The following OPA1 variants were observed in gnomAD, a reference collection of about 807,000 sequenced individuals.
The protein encoded by OPA1 is OPA1 mitochondrial dynamin like GTPase, also known as dynamin-like GTPase OPA1, mitochondrial.
OPA1 carries 59 observed loss-of-function variants against 152.9 expected under a neutral mutation model. That is an observed-to-expected ratio of 0.39 (90% CI 0.31 to 0.48). The LOEUF is 0.48. Among genes scored for constraint, OPA1 ranks in the 20% least tolerant of loss-of-function variants. The pLI is 0.96. For synonymous variants in OPA1, 400 were observed against 389.9 expected, an observed-to-expected ratio of 1.03 and a Z score of -0.31; for missense variants, 1,008 against 1,216.8, an observed-to-expected ratio of 0.83 and a Z score of 2.55.
chr3:193,685,788 A>G (rs1490594967), intron 29 of OPA1, among the ~76,000 whole-genome samples: 1 of 152,244 alleles, frequency 6.6e-6, no homozygotes, highest in African/African-American at 2.4e-5. Flanking sequence ...AATTTAAAAG[A>G]TGAAGTATAT....
At chr3:193,607,055 T>G (rs1444974766) in intron 1 of OPA1, among the ~76,000 whole-genome samples, 1 of 152,256 alleles carries the variant, frequency 6.6e-6, no homozygotes, top group Admixed American at 6.5e-5. Context: ...TTTGGCTGCA[T>G]AAATGTCTTC....
intron 5 of OPA1, 29 bp from the exon 6 acceptor site, chr3:193,618,840 A>G (rs777475151): frequency 6.4e-7 from 1 of 1,573,798 alleles, no homozygotes; most frequent in East Asian, 2.2e-5. Flanking sequence ...TCACTGGAGA[A>G]TGTAAAGGGT....
In OPA1 at chr3:193,601,947, A is replaced by G. The variant is rs551133861; in HGVS notation, c.32+8538A>G. On this transcript the variant is annotated intron_variant, in intron 1 of 30. Coordinates refer to ENST00000361510, the MANE Select transcript of OPA1 (RefSeq NM_130837.3). ...TTTTTTGGCATTAGCCCACAAACCC[A>G]ACAGTTACCCTGGTTTTGTGCTAGA... is the stretch of plus-strand genomic sequence containing the variant. Among the ~76,000 whole-genome samples the G allele has an allele frequency of 2.0e-4, 31 of 152,332 alleles. No homozygotes were observed. The South Asian group carries it at 6.2e-3, about 31-fold the overall frequency.
intron 29 of OPA1, among the ~76,000 whole-genome samples, chr3:193,677,878 T>C (rs903419057): frequency 6.6e-6 from 1 of 152,230 alleles, no homozygotes; most frequent in African/African-American, 2.4e-5. Flanking sequence ...CTGAGGGACA[T>C]TTCATGGGAC....
chr3:193,593,301 C>G lies in OPA1; in HGVS notation c.-77C>G. 2 of 1,463,602 alleles carry G rather than the reference C, an allele frequency of 1.4e-6. No homozygotes were observed. The highest frequency in any genetic ancestry group is 1.4e-5 in the African/African-American group (1 of 70,340). 90.7% of individuals were successfully genotyped at this position (1,463,602 alleles called of 1,614,324 possible). A position where few individuals can be genotyped will look rare whatever the true frequency, so the allele number is the denominator to read the frequency against. ...GGCCACTTCCTGGGTCATTCCTGGACCGGGAGCCGGGCTGGGGCTCACACG... is the reference window on the plus strand; with the variant it reads ...GGCCACTTCCTGGGTCATTCCTGGAGCGGGAGCCGGGCTGGGGCTCACACG... On this transcript the variant is annotated 5_prime_UTR_variant, in exon 1 of 31. Coordinates refer to ENST00000361510, the MANE Select transcript of OPA1 (RefSeq NM_130837.3).
chr3:193,647,962 C>T (rs989197846), intron 19 of OPA1, 108 bp from the exon 20 acceptor site: 2 of 778,186 alleles, frequency 2.6e-6, no homozygotes, highest in South Asian at 1.4e-5. Flanking sequence ...GTCATAGGCG[C>T]ACTCTCAGAA....
At chr3:193,610,643 A>G (rs1434434730) in intron 1 of OPA1, among the ~76,000 whole-genome samples, 2 of 152,194 alleles carry the variant, frequency 1.3e-5, no homozygotes, top group Non-Finnish European at 2.9e-5. Context: ...GGTGGAGTCT[A>G]CAGAGGAAGG....
At chr3:193,675,336 A>AAC (rs1718748569) in intron 29 of OPA1, among the ~76,000 whole-genome samples, 3 of 121,548 alleles carry the variant, frequency 2.5e-5, no homozygotes, top group South Asian at 2.7e-4. Flanking sequence ...AGAAAAAAAA[A>AAC]AAAAAAAAAA....
intron 2 of OPA1, 26 bp from the exon 3 acceptor site, chr3:193,615,648 G>A (rs1483729213): frequency 7.8e-7 from 1 of 1,290,026 alleles, no homozygotes; most frequent in African/African-American, 1.5e-5. Flanking sequence ...CAGAGCATCT[G>A]ATTGACACAC....
intron 21 of OPA1, among the ~76,000 whole-genome samples, chr3:193,653,383 T>C (rs1239159817): frequency 6.6e-6 from 1 of 152,200 alleles, no homozygotes; most frequent in Non-Finnish European, 1.5e-5. Context: ...TCAGCTGGGC[T>C]TTTGGACAGC....
intron 3 of OPA1, among the ~76,000 whole-genome samples, chr3:193,616,393 A>G (rs533331832): frequency 2.6e-4 from 39 of 152,280 alleles, no homozygotes; most frequent in African/African-American, 9.4e-4. Context: ...TTATGTAATC[A>G]TGGTGAATAT....
intron 9 of OPA1, among the ~76,000 whole-genome samples, chr3:193,636,862 T>A (rs1733028437): frequency 6.7e-6 from 1 of 150,358 alleles, no homozygotes. Context: ...ACCTTTTTTT[T>A]GCCTTTTTGG....
intron 29 of OPA1, among the ~76,000 whole-genome samples, chr3:193,680,407 A>G (rs968011721): frequency 1.3e-5 from 2 of 152,212 alleles, no homozygotes; most frequent in African/African-American, 2.4e-5. Context: ...TCCAGGACCC[A>G]GTCATGCAGT....
At chr3:193,649,431 A>C (rs1448317493) in intron 21 of OPA1, among the ~76,000 whole-genome samples, 2 of 152,224 alleles carry the variant, frequency 1.3e-5, no homozygotes, top group African/African-American at 2.4e-5. Context: ...GGCCATTCCT[A>C]AATTCAGTGG....
At chr3:193,668,328 C>T in intron 29 of OPA1, 1 of 1,550,514 alleles carries the variant, frequency 6.4e-7, no homozygotes. Flanking sequence ...TGTTCTTTTT[C>T]CCCAGCTCGG....
rs538532676 is a variant in OPA1, at chr3:193,676,849, C to G, written c.2983+9569C>G. 9.2e-5 allele frequency among the ~76,000 whole-genome samples: 14 copies of G among 151,978 alleles called. No individual in the cohort carries two copies. The South Asian group carries it at 1.0e-3, about 11-fold the overall frequency. On this transcript the variant is annotated intron_variant, in intron 29 of 30. Coordinates refer to ENST00000361510, the MANE Select transcript of OPA1 (RefSeq NM_130837.3). ...CAAAAAATTTAGCCAGGCGTGGTGG[C>G]GGGCGCCTGTAGTCCCAGCTGCTGG...
At chr3:193,653,962 T>G (rs1054402235) in intron 21 of OPA1, among the ~76,000 whole-genome samples, 1 of 152,138 alleles carries the variant, frequency 6.6e-6, no homozygotes, top group Non-Finnish European at 1.5e-5. Context: ...AGTGGAAATG[T>G]AAACTGAGGC....
At chr3:193,594,948 C>T (rs1725274998) in intron 1 of OPA1, among the ~76,000 whole-genome samples, 1 of 152,192 alleles carries the variant, frequency 6.6e-6, no homozygotes, top group African/African-American at 2.4e-5. Context: ...ATAGCATTCT[C>T]TGTTGGAGCA....
At chr3:193,686,625 C>T (rs1250075989) in intron 29 of OPA1, among the ~76,000 whole-genome samples, 1 of 151,956 alleles carries the variant, frequency 6.6e-6, no homozygotes, top group Admixed American at 6.6e-5. Flanking sequence ...TTTGTTTCCC[C>T]CACACCCTAG....
Sources: gnomAD v4.1 joint callset for allele counts (sites outside exome capture counted in the v4.1 genomes callset) on GRCh38, gnomAD v4.1.1 for gene constraint, MANE v1.5 for transcripts, NCBI Gene and HGNC (gene_info 2026-07-23, HGNC 2026-07-21) for gene names.